Variants in KLHL7 observed in about 807,000 individuals in gnomAD.
KLHL7 encodes kelch like family member 7.
A neutral mutation model predicts 67.4 loss-of-function variants in KLHL7; 44 were observed. That is an observed-to-expected ratio of 0.65 (90% CI 0.51 to 0.84). KLHL7 has a LOEUF of 0.84. KLHL7 is among the 40% of genes least tolerant of loss of function. KLHL7 has a pLI of 0.00. For synonymous variants in KLHL7, 252 were observed against 243.3 expected, an observed-to-expected ratio of 1.04 and a Z score of -0.33; for missense variants, 362 against 718.1, an observed-to-expected ratio of 0.50 and a Z score of 5.67.
intron 1 of KLHL7, among the ~76,000 whole-genome samples, chr7:23,109,477 A>G (rs998581668): frequency 4.6e-5 from 7 of 152,214 alleles, no homozygotes; most frequent in African/African-American, 1.7e-4. Context: ...GAGTACCACC[A>G]TAGTTTATAG....
chr7:23,143,791 T>C (rs1446215643), intron 5 of KLHL7, 60 bp from the exon 6 acceptor site: 132 of 1,493,518 alleles, frequency 8.8e-5, no homozygotes, highest in East Asian at 3.8e-4. Flanking sequence ...AGAGTAAACA[T>C]AGGTAATTGG....
At chr7:23,170,256 G>A (rs1785118996) in intron 9 of KLHL7, among the ~76,000 whole-genome samples, 1 of 152,002 alleles carries the variant, frequency 6.6e-6, no homozygotes, top group Admixed American at 6.6e-5. Context: ...TATCTAGCCA[G>A]CCAAGTTTTT....
intron 8 of KLHL7, 33 bp from the exon 9 acceptor site, chr7:23,167,803 A>C: frequency 6.2e-7 from 1 of 1,600,058 alleles, no homozygotes; most frequent in South Asian, 1.1e-5. Flanking sequence ...CACACACTAA[A>C]GTTAAGCATG....
At chr7:23,143,209 T>G (rs967000278) in intron 5 of KLHL7, among the ~76,000 whole-genome samples, 1 of 152,164 alleles carries the variant, frequency 6.6e-6, no homozygotes, top group Non-Finnish European at 1.5e-5. Context: ...AAGCAATTGA[T>G]TTTTTGGGGG....
chr7:23,118,695 A>C (rs907974584), intron 1 of KLHL7, among the ~76,000 whole-genome samples: 1 of 152,194 alleles, frequency 6.6e-6, no homozygotes, highest in African/African-American at 2.4e-5. Context: ...TAAATGATTA[A>C]GTTATCTCAG....
intron 4 of KLHL7, among the ~76,000 whole-genome samples, chr7:23,136,681 A>G (rs1783987073): frequency 1.3e-5 from 2 of 152,232 alleles, no homozygotes; most frequent in African/African-American, 2.4e-5. Context: ...ACTAAAAATT[A>G]ACTATGGAAG....
At chr7:23,169,118 G>C (rs902423102) in intron 9 of KLHL7, among the ~76,000 whole-genome samples, 47 of 152,086 alleles carry the variant, frequency 3.1e-4, no homozygotes, top group African/African-American at 1.1e-3. Context: ...AAAACTAGCT[G>C]GGTGTTGTGG....
At position 23,176,087 on chromosome 7, in the gene KLHL7, T is replaced by G. The variant is rs1386454007; in HGVS notation, c.*1789T>G. 6.6e-6 allele frequency: 1 copy of G among 152,142 alleles called. No homozygotes were observed. Among genetic ancestry groups the G allele is most frequent in the Non-Finnish European group, 1.5e-5 (1 of 68,054 alleles). 9.4% of individuals were successfully genotyped at this position (152,142 alleles called of 1,614,324 possible). A position where few individuals can be genotyped will look rare whatever the true frequency, so the allele number is the denominator to read the frequency against. On this transcript the variant is annotated 3_prime_UTR_variant, in exon 11 of 11. Transcript: ENST00000339077. ...GAAACCTTGTACTGATTAGCAATGG[T>G]TCCCTATTTCCCCCAACGCCCCTGT...
intron 6 of KLHL7, among the ~76,000 whole-genome samples, chr7:23,151,490 G>A (rs1013722726): frequency 6.6e-6 from 1 of 151,766 alleles, no homozygotes; most frequent in Non-Finnish European, 1.5e-5. Flanking sequence ...ATTACCGTGG[G>A]GTGTTAAATA....
intron 7 of KLHL7, among the ~76,000 whole-genome samples, chr7:23,158,774 A>C (rs964120043): frequency 1.3e-5 from 2 of 152,230 alleles, no homozygotes; most frequent in African/African-American, 4.8e-5. Flanking sequence ...GTTAGCACAG[A>C]GGTGGCTGTC....
intron 6 of KLHL7, among the ~76,000 whole-genome samples, chr7:23,150,005 AT>A (rs1300618818): frequency 1.3e-5 from 2 of 152,100 alleles, no homozygotes; most frequent in Non-Finnish European, 2.9e-5. Flanking sequence ...TGTGTCAGGA[AT>A]TTTTGGGCCA....
chr7:23,165,595 T>C, intron 7 of KLHL7, 103 bp from the exon 8 acceptor site: 3 of 1,292,386 alleles, frequency 2.3e-6, no homozygotes, highest in Non-Finnish European at 2.2e-6. Context: ...TGTAGTCTAA[T>C]AAATTAACAT....
intron 6 of KLHL7, among the ~76,000 whole-genome samples, chr7:23,145,573 G>A (rs1374300877): frequency 1.3e-5 from 2 of 152,200 alleles, no homozygotes; most frequent in Non-Finnish European, 2.9e-5. Flanking sequence ...GGGCTAAACT[G>A]TAGCATAATC....
At chr7:23,125,911 C>T (rs1178325417) in intron 4 of KLHL7, 16 of 1,439,992 alleles carry the variant, frequency 1.1e-5, no homozygotes, top group Non-Finnish European at 1.4e-5. Context: ...CCAGTGAATG[C>T]CTGAAACTGC....
chr7:23,158,903 GGAA>G (rs1784781090), intron 7 of KLHL7, among the ~76,000 whole-genome samples: 1 of 152,190 alleles, frequency 6.6e-6, no homozygotes, highest in Non-Finnish European at 1.5e-5. Flanking sequence ...AAACCTCTGT[GGAA>G]GCTTCATGGA....
At chr7:23,112,949 A>T (rs1293179795) in intron 1 of KLHL7, among the ~76,000 whole-genome samples, 1 of 152,086 alleles carries the variant, frequency 6.6e-6, no homozygotes, top group Non-Finnish European at 1.5e-5. Context: ...TATATATGAG[A>T]CAGAGTGGGC....
At chr7:23,108,444 A>G (rs569398586) in intron 1 of KLHL7, among the ~76,000 whole-genome samples, 1 of 152,122 alleles carries the variant, frequency 6.6e-6, no homozygotes. Flanking sequence ...TGGGATACAT[A>G]TAAGAGGGCA....
intron 9 of KLHL7, 191 bp from the exon 10 acceptor site, chr7:23,172,756 TC>T (rs1272662968): frequency 3.8e-6 from 2 of 529,982 alleles, no homozygotes; most frequent in African/African-American, 1.9e-5. Context: ...ATCCATGTTT[TC>T]CCCGTGTATT....
At chr7:23,168,603 A>G (rs1785068560) in intron 9 of KLHL7, among the ~76,000 whole-genome samples, 2 of 152,354 alleles carry the variant, frequency 1.3e-5, no homozygotes, top group Middle Eastern at 3.4e-3. Flanking sequence ...CCTTGTAGTT[A>G]ATGATGGAAC....
Sources: gnomAD v4.1 joint callset for allele counts (sites outside exome capture counted in the v4.1 genomes callset) on GRCh38, gnomAD v4.1.1 for gene constraint, MANE v1.5 for transcripts, NCBI Gene and HGNC (gene_info 2026-07-23, HGNC 2026-07-21) for gene names.